CDH18: variants seen among roughly 807,000 people sequenced by gnomAD.
The protein encoded by CDH18 is cadherin-18.
A neutral mutation model predicts 67.9 loss-of-function variants in CDH18; 31 were observed. The ratio of observed to expected loss-of-function variants is 0.46; its 90% CI spans 0.34 to 0.62. CDH18 has a LOEUF of 0.62. Ranked by LOEUF, CDH18 falls within the 20% of genes least tolerant of loss-of-function variation. CDH18 has a pLI of 0.01. For synonymous variants in CDH18, 362 were observed against 347.2 expected (o/e 1.04, Z -0.48); for missense variants, 890 against 975.5 (o/e 0.91, Z 1.17).
chr5:20,349,799 C>T (rs1451116639), intron 1 of CDH18, among the ~76,000 whole-genome samples: 1 of 152,056 alleles, frequency 6.6e-6, no homozygotes, highest in East Asian at 1.9e-4. Context: ...TAACTATTAA[C>T]ACAGGAAAAT....
intron 2 of CDH18, among the ~76,000 whole-genome samples, chr5:20,153,539 T>C (rs115688981): frequency 1.4e-4 from 21 of 152,302 alleles, no homozygotes; most frequent in African/African-American, 5.1e-4. Context: ...AAATGTGTAT[T>C]AGTCTGTTCA....
chr5:20,179,467 T>C (rs1277011193), intron 2 of CDH18, among the ~76,000 whole-genome samples: 1 of 152,198 alleles, frequency 6.6e-6, no homozygotes, highest in Non-Finnish European at 1.5e-5. Flanking sequence ...TTATTATCAA[T>C]GTAGTTGTTA....
rs979046186 is a variant in CDH18 at position 19,881,454 on chromosome 5, C to A, written c.-256-42212G>T. 3.3e-5 allele frequency among the ~76,000 whole-genome samples: 5 copies of A among 149,574 alleles called. 1 individual carries two copies. The highest frequency in any genetic ancestry group is 5.9e-5 in the Non-Finnish European group (4 of 67,716). On this transcript the variant is annotated intron_variant, in intron 2 of 12. Transcript: ENST00000382275. Reference sequence around the variant, plus strand: ...TTGTATCTGGTCAAACAGATTTACTCTAGTCTAATGTTCATTATTCAAACG... The same window carrying A: ...TTGTATCTGGTCAAACAGATTTACTATAGTCTAATGTTCATTATTCAAACG...
intron 5 of CDH18, among the ~76,000 whole-genome samples, chr5:19,613,704 G>A (rs183153798): frequency 2.9e-4 from 44 of 152,128 alleles, no homozygotes; most frequent in Admixed American, 7.9e-4. Context: ...AGAGTCTTAC[G>A]TTTTAAAGTT....
At chr5:19,944,030 T>C (rs922331841) in intron 2 of CDH18, among the ~76,000 whole-genome samples, 1 of 152,100 alleles carries the variant, frequency 6.6e-6, no homozygotes, top group Admixed American at 6.6e-5. Context: ...AAACAAAATG[T>C]TATTCACTTT....
intron 2 of CDH18, among the ~76,000 whole-genome samples, chr5:19,914,827 C>G (rs1256757661): frequency 6.6e-6 from 1 of 151,894 alleles, no homozygotes; most frequent in African/African-American, 2.4e-5. Context: ...GACAACACTT[C>G]TAAAAAGAAA....
Position 19,948,443 on chromosome 5 carries a change from G to A in CDH18, c.-257+32617C>T, listed in dbSNP as rs115107070. Among the ~76,000 whole-genome samples the A allele has an allele frequency of 4.1e-3, 631 of 152,250 alleles. 5 individuals carry two copies. Among genetic ancestry groups the A allele is most frequent in the African/African-American group, 0.014 (598 of 41,562 alleles). ...GAAATGATATGTTGATACACGCAAC[G>A]ACTTGGACAAACCTCGTGGAAACTA... On this transcript the variant is annotated intron_variant, in intron 2 of 12. Transcript: ENST00000382275.
chr5:20,330,327 A>C (rs1447090972), intron 1 of CDH18, among the ~76,000 whole-genome samples: 2 of 152,154 alleles, frequency 1.3e-5, no homozygotes, highest in African/African-American at 4.8e-5. Context: ...CTAGTTAGAC[A>C]TGAGCAGGAC....
intron 10 of CDH18, among the ~76,000 whole-genome samples, chr5:19,504,446 T>G (rs1743761043): frequency 6.6e-6 from 1 of 151,980 alleles, no homozygotes; most frequent in South Asian, 2.1e-4. Flanking sequence ...AACTAGTCTC[T>G]GGGTAGATTG....
At chr5:20,363,685 C>A (rs1742284463) in intron 1 of CDH18, among the ~76,000 whole-genome samples, 1 of 150,370 alleles carries the variant, frequency 6.7e-6, no homozygotes, top group East Asian at 2.0e-4. Flanking sequence ...GCACTCCCAT[C>A]AGTTTACAAC....
intron 2 of CDH18, among the ~76,000 whole-genome samples, chr5:20,223,622 T>A (rs1580518359): frequency 6.6e-6 from 1 of 152,120 alleles, no homozygotes; most frequent in Non-Finnish European, 1.5e-5. Context: ...GAATTTTAGC[T>A]CCCATAATTC....
chr5:19,942,434 T>C (rs1223285720), intron 2 of CDH18, among the ~76,000 whole-genome samples: 2 of 152,202 alleles, frequency 1.3e-5, no homozygotes, highest in African/African-American at 4.8e-5. Flanking sequence ...TCTCAATTCA[T>C]ATACAAATAA....
At chr5:19,658,037 A>T (rs1325656194) in intron 5 of CDH18, among the ~76,000 whole-genome samples, 2 of 152,156 alleles carry the variant, frequency 1.3e-5, no homozygotes, top group Non-Finnish European at 2.9e-5. Flanking sequence ...TCTGATCACT[A>T]AAACAATTCT....
chr5:20,341,917 C>G (rs1740299707), intron 1 of CDH18, among the ~76,000 whole-genome samples: 1 of 152,000 alleles, frequency 6.6e-6, no homozygotes, highest in Admixed American at 6.6e-5. Context: ...TTTGGAGGAC[C>G]AAGGAACATA....
intron 5 of CDH18, among the ~76,000 whole-genome samples, chr5:19,708,021 T>C (rs6885565): frequency 0.35 from 52,517 of 151,970 alleles, 9,422 homozygotes; most frequent in African/African-American, 0.46. Context: ...TCTGGAAACA[T>C]GGCGGTATAG....
intron 2 of CDH18, among the ~76,000 whole-genome samples, chr5:20,241,438 T>C (rs1464616691): frequency 6.6e-6 from 1 of 152,118 alleles, no homozygotes. Context: ...GGTTAATGGC[T>C]GAAAGAGCTC....
chr5:19,629,921 G>T (rs1752158973), intron 5 of CDH18, among the ~76,000 whole-genome samples: 1 of 151,892 alleles, frequency 6.6e-6, no homozygotes, highest in Non-Finnish European at 1.5e-5. Context: ...GGAGGACATA[G>T]ATTTTTTATT....
At chr5:20,278,712 G>A (rs911166879) in intron 1 of CDH18, among the ~76,000 whole-genome samples, 1 of 152,094 alleles carries the variant, frequency 6.6e-6, no homozygotes, top group African/African-American at 2.4e-5. Context: ...AGAACGAACA[G>A]TTAAAAAGTA....
intron 2 of CDH18, among the ~76,000 whole-genome samples, chr5:20,234,621 A>G (rs1336288552): frequency 6.6e-6 from 1 of 152,120 alleles, no homozygotes; most frequent in Non-Finnish European, 1.5e-5. Flanking sequence ...CTGAACTGTG[A>G]AAAACAAATG....
Sources: gnomAD v4.1 joint callset for allele counts (sites outside exome capture counted in the v4.1 genomes callset) on GRCh38, gnomAD v4.1.1 for gene constraint, MANE v1.5 for transcripts, NCBI Gene and HGNC (gene_info 2026-07-23, HGNC 2026-07-21) for gene names.